KLC2: variants seen among roughly 807,000 people sequenced by gnomAD.
KLC2 encodes kinesin light chain 2, also known as KLC 2.
KLC2 carries 35 observed loss-of-function variants against 75.1 expected under a neutral mutation model. The observed-to-expected ratio is 0.47, with a 90% CI of 0.36 to 0.62. The LOEUF (loss-of-function observed/expected upper bound fraction) is 0.62. KLC2 is among the 20% of genes least tolerant of loss of function. The pLI is 0.00. For missense variants in KLC2, 611 were observed against 833.2 expected (o/e 0.73, Z 3.28); for synonymous variants, 314 against 336.7 (o/e 0.93, Z 0.74).
chr11:66,246,265 C>G, the KLC2 span: 1 of 152,506 alleles, frequency 6.6e-6, no homozygotes, highest in African/African-American at 2.4e-5. Flanking sequence ...CAGGCGAGGG[C>G]TGCAGGGCAG....
At chr11:66,246,406 C>T in the KLC2 span, among the ~76,000 whole-genome samples, 2 of 152,092 alleles carry the variant, frequency 1.3e-5, no homozygotes, top group African/African-American at 4.8e-5. Flanking sequence ...AACTCTCAGC[C>T]CGTCTGCATC....
chr11:66,265,349 C>T, intron 11 of KLC2, 114 bp downstream of exon 11: 1 of 885,068 alleles, frequency 1.1e-6, no homozygotes. Context: ...AGGCCCAACT[C>T]ACAGGTCACC....
chr11:66,263,141 G>C (rs538458390), intron 5 of KLC2, 105 bp downstream of exon 5: 342 of 769,504 alleles, frequency 4.4e-4, no homozygotes, highest in Non-Finnish European at 4.3e-5. Context: ...CACCTGCGTG[G>C]AGCTGGGCTA....
chr11:66,261,876 G>A lies in KLC2; in HGVS notation c.363G>A (p.Gln121=). Residue 121 remains glutamine (Q), a synonymous_variant, in exon 3 of 16, where the codon CAG becomes CAA. Transcript: ENST00000394067. The stretch of plus-strand genomic sequence containing the variant: ...TGGCGGGGACACAGCAGAAGCTGCA[G>A]CGCAGTGAGCAGGCCGTGGCCCAGC... The part of the protein sequence containing the change: ...EELAGTQQKL[Q]RSEQAVAQLE... 1 of 1,614,182 alleles carries A rather than the reference G, an allele frequency of 6.2e-7. No homozygotes were observed. Among genetic ancestry groups the A allele is most frequent in the South Asian group, 1.1e-5 (1 of 91,080 alleles).
At chr11:66,263,603 A>G (rs1856590442) in intron 5 of KLC2, 57 bp from the exon 6 acceptor site, 7 of 1,222,462 alleles carry the variant, frequency 5.7e-6, no homozygotes, top group Non-Finnish European at 1.2e-6. Context: ...ATTGCAGACC[A>G]TTGGGGAGGG....
Position 66,262,180 on chromosome 11 carries a change from G to T in KLC2, c.517G>T (p.Glu173Ter). The change falls in exon 4 of 16, where the codon GAG becomes TAG. Residue 173 changes from glutamate to a stop codon, truncating the protein, a stop_gained. Coordinates refer to ENST00000394067, the MANE Select transcript of KLC2 (RefSeq NM_001318734.2). LOFTEE classifies it high-confidence loss of function. ...GGATGACCTGTTCCCCAATGAGGAT[G>T]AGCAGAGCCCAGGTGCGGATGGGCA... ...TLDDLFPNED[E>*]QSPAPSPGGG... 1 of 1,613,358 alleles carries T rather than the reference G, an allele frequency of 6.2e-7. No individual in the cohort carries two copies. Among genetic ancestry groups the T allele is most frequent in the South Asian group, 1.1e-5 (1 of 91,018 alleles).
At position 66,267,714 on chromosome 11, in the gene KLC2, C is replaced by T. The variant is rs1856943989; in HGVS notation, c.*758C>T. The stretch of plus-strand genomic sequence containing the variant: ...CCCGGGCACCGCCCACCGAGCCATC[C>T]TGCCTCGCCTCCCCCCACGCCTGCA... On this transcript the variant is annotated 3_prime_UTR_variant, in exon 16 of 16. Transcript: ENST00000394067. The T allele has an allele frequency of 3.9e-6, 2 of 512,364 alleles. No individual in the cohort carries two copies. The highest frequency in any genetic ancestry group is 6.5e-5 in the East Asian group (2 of 30,550). 31.7% of individuals were successfully genotyped at this position (512,364 alleles called of 1,614,324 possible).
rs1856887130 is a variant in KLC2, at chr11:66,267,071, C to A, written c.*115C>A. On this transcript the variant is annotated 3_prime_UTR_variant, in exon 16 of 16. Coordinates refer to ENST00000394067, the MANE Select transcript of KLC2 (RefSeq NM_001318734.2). Reference sequence around the variant, plus strand: ...GTCTCTCCCACAGCCCCTGTCTTTTCTGTTCAATCTCAGGGTAACCTTCTC... The same window carrying A: ...GTCTCTCCCACAGCCCCTGTCTTTTATGTTCAATCTCAGGGTAACCTTCTC... The A allele has an allele frequency of 6.4e-7, 1 of 1,556,924 alleles. No individual in the cohort carries two copies. Among genetic ancestry groups the A allele is most frequent in the Non-Finnish European group, 8.7e-7 (1 of 1,151,570 alleles).
At chr11:66,262,585 A>T in intron 4 of KLC2, 1 of 584,202 alleles carries the variant, frequency 1.7e-6, no homozygotes, top group Non-Finnish European at 3.1e-6. Context: ...ACAGGCTCAG[A>T]GGTTAGGCAG....
chr11:66,264,917 A>G (rs796304808), intron 9 of KLC2, 106 bp from the exon 10 acceptor site: 2 of 1,031,976 alleles, frequency 1.9e-6, no homozygotes, highest in Admixed American at 2.2e-5. Flanking sequence ...CATGCATTCA[A>G]CGAAGCCCAA....
chr11:66,265,975 A>C lies in KLC2; in HGVS notation c.1565A>C (p.Asp522Ala). The change falls in exon 13 of 16, where the codon GAC (aspartate) becomes GCC (alanine). Residue 522 changes from aspartate (D) to alanine (A), a missense_variant. Transcript: ENST00000394067. ...AGGAGPRSES[D>A]LEDVGPTAEW... The stretch of plus-strand genomic sequence containing the variant: ...GGTGCCGGGCCTCGGTCTGAGTCTG[A>C]CCTCGAGGACGTGGGACCTACAGCT... The C allele has an allele frequency of 1.9e-6, 3 of 1,609,544 alleles. No homozygotes were observed. The highest frequency in any genetic ancestry group is 2.5e-6 in the Non-Finnish European group (3 of 1,176,850).
chr11:66,246,085 T>C, the KLC2 span: 64 of 152,480 alleles, frequency 4.2e-4, 1 homozygote, highest in Admixed American at 8.5e-4. Flanking sequence ...GCGCAAACTC[T>C]CTGAGCCTAG....
At chr11:66,253,368 TAAGA>T (rs1325441226), upstream of KLC2, among the ~76,000 whole-genome samples, 1 of 152,140 alleles carries the variant, frequency 6.6e-6, no homozygotes, top group Admixed American at 6.5e-5. Context: ...AAGAATAATT[TAAGA>T]AAGCAGATTT....
chr11:66,252,454 G>A (rs374667771), upstream of KLC2, among the ~76,000 whole-genome samples: 1 of 84,536 alleles, frequency 1.2e-5, no homozygotes, highest in Non-Finnish European at 3.3e-5. Flanking sequence ...TAGTAGAGAC[G>A]GGGTTTCACC....
upstream of KLC2, among the ~76,000 whole-genome samples, chr11:66,256,450 T>G (rs1856041502): frequency 6.6e-6 from 1 of 151,994 alleles, no homozygotes; most frequent in Non-Finnish European, 1.5e-5. Flanking sequence ...ATTAGCTAGG[T>G]GTGGTGGTGG....
At position 66,265,251 on chromosome 11, in the gene KLC2, C is replaced by A; in HGVS notation, c.1334+16C>A. 3.7e-6 allele frequency: 3 copies of A among 813,858 alleles called. No individual in the cohort carries two copies. The highest frequency in any genetic ancestry group is 6.1e-6 in the Non-Finnish European group (3 of 494,774). 50.4% of individuals were successfully genotyped at this position (813,858 alleles called of 1,614,324 possible). The stretch of plus-strand genomic sequence containing the variant: ...AAGTAGACAGGTGAGTGGGGCGGGG[C>A]TGGGCTGGGGAGCAGGGCACGGCAG... On this transcript the variant is annotated intron_variant, in intron 11 of 15. Transcript: ENST00000394067.
chr11:66,244,199 A>G, the KLC2 span: 1 of 152,040 alleles, frequency 6.6e-6, no homozygotes, highest in East Asian at 1.9e-4. Flanking sequence ...CCCCACCACC[A>G]TACATGCTGT....
intron 2 of KLC2, among the ~76,000 whole-genome samples, chr11:66,260,291 G>T (rs1313927454): frequency 6.6e-6 from 1 of 152,152 alleles, no homozygotes; most frequent in African/African-American, 2.4e-5. Context: ...CTCCCTGCCA[G>T]TTGGCCGTCA....
At chr11:66,249,153 G>A in the KLC2 span, among the ~76,000 whole-genome samples, 3 of 152,194 alleles carry the variant, frequency 2.0e-5, no homozygotes, top group Non-Finnish European at 4.4e-5. Context: ...CTCAGTTGGG[G>A]ATTGTCTGAT....
Sources: allele counts gnomAD v4.1 joint callset (sites outside exome capture counted in the v4.1 genomes callset), GRCh38; gene constraint gnomAD v4.1.1; transcripts MANE v1.5; gene names NCBI Gene and HGNC (gene_info 2026-07-23, HGNC 2026-07-21).